The following CASQ2 variants were observed in gnomAD, a reference collection of about 807,000 sequenced individuals.
The protein encoded by CASQ2 is calsequestrin-2.
In CASQ2, 49 loss-of-function variants were observed where a neutral mutation model predicts 46.5. The observed-to-expected ratio is 1.05, with a 90% CI of 0.84 to 1.34. The LOEUF is 1.34. Among genes scored for constraint, CASQ2 ranks in the 40% most tolerant of loss-of-function variants. The pLI, the probability that CASQ2 is intolerant of heterozygous loss-of-function variation, is 0.00. For missense variants in CASQ2, 486 were observed against 481.3 expected, an observed-to-expected ratio of 1.01 and a Z score of -0.09; for synonymous variants, 174 against 168.5, an observed-to-expected ratio of 1.03 and a Z score of -0.25.
At chr1:115,756,125 TC>T (rs1340698099) in intron 1 of CASQ2, among the ~76,000 whole-genome samples, 2 of 152,202 alleles carry the variant, frequency 1.3e-5, no homozygotes, top group African/African-American at 4.8e-5. Context: ...CTGTTGGCTC[TC>T]CTGGACACCC....
At chr1:115,735,687 T>C (rs559631922) in intron 4 of CASQ2, among the ~76,000 whole-genome samples, 21 of 152,270 alleles carry the variant, frequency 1.4e-4, no homozygotes, top group African/African-American at 4.8e-4. Context: ...TATACAAAAT[T>C]TAATTAAGAT....
chr1:115,741,040 T>C (rs1283960974), intron 2 of CASQ2, among the ~76,000 whole-genome samples: 1 of 152,242 alleles, frequency 6.6e-6, no homozygotes, highest in African/African-American at 2.4e-5. Flanking sequence ...CAATTCCAGC[T>C]GGATTTTGAC....
intron 4 of CASQ2, among the ~76,000 whole-genome samples, chr1:115,734,708 C>A (rs1647899008): frequency 6.6e-6 from 1 of 152,060 alleles, no homozygotes; most frequent in African/African-American, 2.4e-5. Context: ...AGTTCCCAGC[C>A]TCCAGCTTAC....
chr1:115,703,777 T>C (rs1203531038), intron 9 of CASQ2, among the ~76,000 whole-genome samples: 2 of 152,068 alleles, frequency 1.3e-5, no homozygotes, highest in Admixed American at 6.6e-5. Context: ...CTGGGCGTGG[T>C]GGCACATTTC....
intron 1 of CASQ2, among the ~76,000 whole-genome samples, chr1:115,747,624 T>G (rs1277514998): frequency 6.6e-6 from 1 of 152,236 alleles, no homozygotes; most frequent in Non-Finnish European, 1.5e-5. Flanking sequence ...TGTCTCCATT[T>G]ATTTGATCTT....
At chr1:115,765,051 A>G (rs1230673582) in intron 1 of CASQ2, among the ~76,000 whole-genome samples, 1 of 152,208 alleles carries the variant, frequency 6.6e-6, no homozygotes, top group Non-Finnish European at 1.5e-5. Context: ...CTGTTTTGCC[A>G]GTAAATTCCT....
At position 115,738,224 on chromosome 1, in the gene CASQ2, A is replaced by G. The variant is rs1648031031; in HGVS notation, c.532T>C (p.Tyr178His). ...CGGCTGGGGTTGGCAGACAACTTAC[A>G]TTCTGAGTCCTCACTCTTGAAAAAG... ...IGFFKSEDSE[Y>H]YKAFEEAAEH... is the part of the protein sequence containing the mutation. Residue 178 changes from tyrosine to histidine, a missense_variant and splice_region_variant, in exon 4 of 11, where the codon TAC (tyrosine) becomes CAC (histidine). Tyr to His is a moderately conservative substitution (Grantham distance 83, BLOSUM62 2). Coordinates refer to ENST00000261448, the MANE Select transcript of CASQ2 (RefSeq NM_001232.4). The G allele has an allele frequency of 1.3e-6, 2 of 1,584,160 alleles. No individual in the cohort carries two copies. Among genetic ancestry groups the G allele is most frequent in the Non-Finnish European group, 1.7e-6 (2 of 1,152,636 alleles).
At chr1:115,758,823 A>G (rs534501021) in intron 1 of CASQ2, among the ~76,000 whole-genome samples, 1 of 152,366 alleles carries the variant, frequency 6.6e-6, no homozygotes, top group South Asian at 2.1e-4. Context: ...AGCCAGATAC[A>G]GATACCCAAT....
chr1:115,720,229 G>A (rs879828679), intron 7 of CASQ2, among the ~76,000 whole-genome samples: 1 of 152,102 alleles, frequency 6.6e-6, no homozygotes, highest in Non-Finnish European at 1.5e-5. Flanking sequence ...CTGTTATGGA[G>A]GCTGGGAAGT....
At chr1:115,767,546 C>A (rs1649174473) in intron 1 of CASQ2, among the ~76,000 whole-genome samples, 1 of 152,136 alleles carries the variant, frequency 6.6e-6, no homozygotes, top group Non-Finnish European at 1.5e-5. Flanking sequence ...ATTCTTGGCA[C>A]CCTCAGGCCC....
intron 7 of CASQ2, among the ~76,000 whole-genome samples, chr1:115,719,495 T>C (rs938555732): frequency 5.3e-5 from 8 of 152,180 alleles, no homozygotes; most frequent in African/African-American, 1.9e-4. Context: ...TCCATATTTG[T>C]TTTCTAGAAG....
chr1:115,751,628 C>T (rs769921115), intron 1 of CASQ2, among the ~76,000 whole-genome samples: 13 of 151,438 alleles, frequency 8.6e-5, no homozygotes, highest in Non-Finnish European at 1.8e-4. Flanking sequence ...GCCGAGATTG[C>T]GCCACTGCAC....
chr1:115,702,661 G>A (rs1281967342), intron 10 of CASQ2, among the ~76,000 whole-genome samples: 1 of 152,220 alleles, frequency 6.6e-6, no homozygotes, highest in Non-Finnish European at 1.5e-5. Flanking sequence ...TTTACTTGAA[G>A]GGAAAGTTCC....
In CASQ2 at chr1:115,702,978, C is replaced by T. The variant is rs758803168; in HGVS notation, c.957G>A (p.Glu319=). Residue 319 remains glutamate, a synonymous_variant, in exon 10 of 11, where the codon GAG becomes GAA. Transcript: ENST00000261448. ...DDFPLLVAYW[E]KTFKIDLFRP... ...TGAATAGGTCAATCTTGAAAGTCTT[C>T]TCCCAGTAGGCAACGAGCTGCAGCA... is the stretch of plus-strand genomic sequence containing the variant. 1.9e-5 allele frequency: 30 copies of T among 1,613,282 alleles called. No individual in the cohort carries two copies. The highest frequency in any genetic ancestry group is 2.4e-5 in the Non-Finnish European group (28 of 1,179,726).
chr1:115,746,307 G>C (rs892465768), intron 1 of CASQ2, among the ~76,000 whole-genome samples: 1 of 152,184 alleles, frequency 6.6e-6, no homozygotes, highest in East Asian at 1.9e-4. Context: ...ATAGGTTTTT[G>C]AGTTAAATAT....
intron 1 of CASQ2, among the ~76,000 whole-genome samples, chr1:115,763,269 G>A (rs140928474): frequency 3.6e-4 from 55 of 152,200 alleles, no homozygotes; most frequent in African/African-American, 1.3e-3. Context: ...TGAAAATGGG[G>A]CAAGGCCTAA....
In CASQ2 at chr1:115,700,751, T is replaced by C; in HGVS notation, c.*490A>G. The C allele has an allele frequency of 2.4e-6, 1 of 415,574 alleles. No individual in the cohort carries two copies. Among genetic ancestry groups the C allele is most frequent in the Non-Finnish European group, 4.2e-6 (1 of 235,590 alleles). 25.7% of individuals were successfully genotyped at this position (415,574 alleles called of 1,614,324 possible). A position where few individuals can be genotyped will look rare whatever the true frequency, so the allele number is the denominator to read the frequency against. On this transcript the variant is annotated 3_prime_UTR_variant, in exon 11 of 11. Coordinates refer to ENST00000261448, the MANE Select transcript of CASQ2 (RefSeq NM_001232.4). ...GCTGAGCCTTCTCTAAGAAGGATCA[T>C]CTTGGCTGGAGGAGGGATCCCAACT...
chr1:115,749,313 T>C (rs1033225832), intron 1 of CASQ2, among the ~76,000 whole-genome samples: 1 of 152,224 alleles, frequency 6.6e-6, no homozygotes, highest in Non-Finnish European at 1.5e-5. Flanking sequence ...CTCGTAGGCA[T>C]GTAAAGCATG....
chr1:115,738,309 G>A lies in CASQ2; in HGVS notation c.447C>T (p.Ile149=). Residue 149 remains isoleucine, a synonymous_variant, in exon 4 of 11, where the codon ATC becomes ATT. Coordinates refer to ENST00000261448, the MANE Select transcript of CASQ2 (RefSeq NM_001232.4). ...AGGCTTGGACTTCCAGTTTGCTGCT[G>A]ATGATCTCCACTGGGTCTTCAATTA... ...LDLIEDPVEI[I]SSKLEVQAFE... The A allele has an allele frequency of 6.2e-7, 1 of 1,612,588 alleles. No individual in the cohort carries two copies. Among genetic ancestry groups the A allele is most frequent in the South Asian group, 1.1e-5 (1 of 91,048 alleles).
Sources: allele counts gnomAD v4.1 joint callset (sites outside exome capture counted in the v4.1 genomes callset), GRCh38; gene constraint gnomAD v4.1.1; transcripts MANE v1.5; gene names NCBI Gene and HGNC (gene_info 2026-07-23, HGNC 2026-07-21).